The following INPP4A variants were observed in gnomAD, a reference collection of about 807,000 sequenced individuals.
INPP4A encodes inositol polyphosphate-4-phosphatase, type I, 107kD.
A neutral mutation model predicts 119.8 loss-of-function variants in INPP4A; 33 were observed. That is an observed-to-expected ratio of 0.28 (90% CI 0.21 to 0.37). The LOEUF (loss-of-function observed/expected upper bound fraction) is 0.37, where lower values mean the gene tolerates loss of function less well. Ranked by LOEUF, INPP4A falls within the 10% of genes least tolerant of loss-of-function variation. The pLI, the probability that INPP4A is intolerant of heterozygous loss-of-function variation, is 1.00. For synonymous variants in INPP4A, 496 were observed against 500.7 expected, an observed-to-expected ratio of 0.99 and a Z score of 0.12; for missense variants, 956 against 1,289.9, an observed-to-expected ratio of 0.74 and a Z score of 3.97.
intron 2 of INPP4A, chr2:98,519,447 A>C (rs1261570160): frequency 6.6e-6 from 1 of 152,476 alleles, no homozygotes; most frequent in Non-Finnish European, 1.5e-5. Flanking sequence ...ACACACGTGA[A>C]GTTTATGCAG....
At chr2:98,550,007 C>T (rs776369351) in intron 13 of INPP4A, among the ~76,000 whole-genome samples, 11 of 151,982 alleles carry the variant, frequency 7.2e-5, no homozygotes, top group Non-Finnish European at 1.6e-4. Context: ...TTGAGTCTAG[C>T]GGGGCAGAGG....
chr2:98,546,777 C>G lies in INPP4A; in HGVS notation c.1163+83C>G. 1.1e-6 allele frequency: 1 copy of G among 875,910 alleles called. No individual in the cohort carries two copies. The highest frequency in any genetic ancestry group is 1.5e-5 in the South Asian group (1 of 68,828). The allele number at this position is 875,910 out of a possible 1,614,324, so 54.3% of individuals were successfully genotyped here. A position where few individuals can be genotyped will look rare whatever the true frequency, so the allele number is the denominator to read the frequency against. On this transcript the variant is annotated intron_variant, in intron 13 of 24. Transcript: ENST00000409851. The surrounding 1 kb of genome is among the most constrained non-coding windows in gnomAD (Gnocchi z 4.2). Reference sequence around the variant, plus strand: ...AGTTTAAAATAAAATCAAAATATGACCGCAAAAACACCCAGCCATCTGATC... The same window carrying G: ...AGTTTAAAATAAAATCAAAATATGAGCGCAAAAACACCCAGCCATCTGATC...
intron 23 of INPP4A, among the ~76,000 whole-genome samples, chr2:98,573,149 C>G (rs1224733646): frequency 2.0e-5 from 3 of 152,196 alleles, no homozygotes; most frequent in Non-Finnish European, 4.4e-5. Flanking sequence ...CACAGTCCAT[C>G]TCTTGGGGCA....
At chr2:98,496,462 G>A (rs894345147) in intron 1 of INPP4A, among the ~76,000 whole-genome samples, 2 of 152,092 alleles carry the variant, frequency 1.3e-5, no homozygotes, top group African/African-American at 2.4e-5. Context: ...ACATTGGTAC[G>A]GGCAAGGCTT....
chr2:98,582,812 A>G (rs1699507830), intron 24 of INPP4A, among the ~76,000 whole-genome samples: 1 of 152,222 alleles, frequency 6.6e-6, no homozygotes, highest in Non-Finnish European at 1.5e-5. Context: ...AGTCAGACAG[A>G]AAGATCACCT....
chr2:98,467,799 A>G (rs950929242), intron 1 of INPP4A, among the ~76,000 whole-genome samples: 3 of 152,204 alleles, frequency 2.0e-5, no homozygotes, highest in Non-Finnish European at 2.9e-5. Flanking sequence ...ATAGTTATCT[A>G]TTAGTTATAG....
chr2:98,553,544 AACACGCTCTCATACACACAC>A lies in INPP4A; in HGVS notation c.1347+600_1347+619del, dbSNP rs374095092. Among the ~76,000 whole-genome samples, 604 of 151,658 alleles carry A rather than the reference AACACGCTCTCATACACACAC, an allele frequency of 4.0e-3. 3 individuals carry two copies. Among genetic ancestry groups the A allele is most frequent in the African/African-American group, 0.014 (561 of 41,324 alleles). On this transcript the variant is annotated intron_variant, in intron 14 of 24. Coordinates refer to ENST00000409851, the MANE Select transcript of INPP4A (RefSeq NM_001134225.2). ...CTTGGTCTCTCTCTCAGCGCACACA[AACACGCTCTCATACACACAC>A]ACACGCTCTCATACACACACACACA...
intron 1 of INPP4A, among the ~76,000 whole-genome samples, chr2:98,506,714 G>C (rs3820943): frequency 0.24 from 36,941 of 152,146 alleles, 4,635 homozygotes; most frequent in Middle Eastern, 0.35. Context: ...TTGAAGTCCT[G>C]GGAGAACACG....
At chr2:98,539,740 A>AT in intron 10 of INPP4A, 65 bp downstream of exon 10, 1 of 1,514,436 alleles carries the variant, frequency 6.6e-7, no homozygotes, top group Non-Finnish European at 8.9e-7. Flanking sequence ...CCTTTCTGAG[A>AT]TATAGCGGGC....
chr2:98,482,068 G>A (rs903869460), intron 1 of INPP4A, among the ~76,000 whole-genome samples: 3 of 152,224 alleles, frequency 2.0e-5, no homozygotes, highest in African/African-American at 7.2e-5. Context: ...GAGGCAAGGA[G>A]TTTGAGACCA....
chr2:98,517,529 CAT>C, intron 1 of INPP4A, among the ~76,000 whole-genome samples: 1 of 152,310 alleles, frequency 6.6e-6, no homozygotes, highest in East Asian at 1.9e-4. Context: ...GGTCTTTTGT[CAT>C]TTTTGCTATT....
chr2:98,500,343 TAGGG>T (rs1682873784), intron 1 of INPP4A, among the ~76,000 whole-genome samples: 2 of 151,782 alleles, frequency 1.3e-5, no homozygotes, highest in African/African-American at 4.8e-5. Flanking sequence ...GGGGGGAAAA[TAGGG>T]AGGAAATCAA....
intron 16 of INPP4A, 127 bp downstream of exon 16, chr2:98,555,935 C>T (rs927245981): frequency 1.4e-5 from 16 of 1,175,856 alleles, no homozygotes; most frequent in Admixed American, 1.3e-4. Context: ...CCAGGTGGAG[C>T]GGGGGCGTCC....
intron 24 of INPP4A, chr2:98,581,925 CAAA>C: frequency 9.3e-7 from 1 of 1,077,578 alleles, no homozygotes; most frequent in Non-Finnish European, 1.3e-6. Flanking sequence ...AAATATCTGC[CAAA>C]TTATTTCACC....
chr2:98,473,442 AGT>A (rs1558901618), intron 1 of INPP4A, among the ~76,000 whole-genome samples: 1 of 150,028 alleles, frequency 6.7e-6, no homozygotes. Context: ...GACAGTGGAG[AGT>A]GAGGAGGACA....
intron 10 of INPP4A, among the ~76,000 whole-genome samples, chr2:98,541,303 G>C (rs1255360146): frequency 6.6e-6 from 1 of 151,388 alleles, no homozygotes; most frequent in East Asian, 1.9e-4. Context: ...CTCCAGCCTT[G>C]GTGACAGAGC....
chr2:98,447,775 A>G (rs910013611), intron 1 of INPP4A, among the ~76,000 whole-genome samples: 2 of 152,140 alleles, frequency 1.3e-5, no homozygotes, highest in African/African-American at 4.8e-5. Context: ...AAAAACAAGG[A>G]TATTCATAAC....
chr2:98,476,289 T>G (rs1399142313), intron 1 of INPP4A, among the ~76,000 whole-genome samples: 2 of 152,232 alleles, frequency 1.3e-5, no homozygotes, highest in African/African-American at 4.8e-5. Context: ...AGTGATAGTT[T>G]GACTAAGCTT....
chr2:98,482,832 A>C (rs1001454036), intron 1 of INPP4A, among the ~76,000 whole-genome samples: 2 of 152,258 alleles, frequency 1.3e-5, no homozygotes, highest in Non-Finnish European at 2.9e-5. Flanking sequence ...AGCATAATAG[A>C]GGTTGAACAT....
Sources: allele counts gnomAD v4.1 joint callset (sites outside exome capture counted in the v4.1 genomes callset), GRCh38; gene constraint gnomAD v4.1.1; non-coding constraint Gnocchi (gnomAD v3.1); transcripts MANE v1.5; gene names NCBI Gene and HGNC (gene_info 2026-07-23, HGNC 2026-07-21).